Variants in TTC33 observed in about 807,000 individuals in gnomAD.
TTC33 encodes tetratricopeptide repeat domain 33, also known as tetratricopeptide repeat protein 33.
In TTC33, 24 loss-of-function variants were observed where a neutral mutation model predicts 29.4. The ratio of observed to expected loss-of-function variants is 0.82; its 90% CI spans 0.59 to 1.15. The LOEUF is 1.15. Ranked by LOEUF, TTC33 falls within the 50% of genes most tolerant of loss-of-function variation. TTC33 has a pLI of 0.00. For synonymous variants in TTC33, 107 were observed against 100.3 expected (o/e 1.07, Z -0.40); for missense variants, 286 against 310.4 (o/e 0.92, Z 0.59).
intron 1 of TTC33, among the ~76,000 whole-genome samples, chr5:40,750,160 A>C (rs1742868293): frequency 6.6e-6 from 1 of 151,992 alleles, no homozygotes; most frequent in South Asian, 2.1e-4. Flanking sequence ...GATCATCTGA[A>C]CCTTCAGCAA....
intron 2 of TTC33, among the ~76,000 whole-genome samples, chr5:40,743,758 T>C (rs1742742290): frequency 6.6e-6 from 1 of 152,050 alleles, no homozygotes; most frequent in Admixed American, 6.6e-5. Flanking sequence ...TGGGCAACAG[T>C]GCAAGACTCC....
intron 4 of TTC33, among the ~76,000 whole-genome samples, chr5:40,720,659 T>A (rs1742110137): frequency 1.3e-5 from 2 of 152,004 alleles, no homozygotes; most frequent in African/African-American, 4.8e-5. Context: ...ATACACCAAT[T>A]CAGCAACAAT....
chr5:40,716,607 A>G, intron 4 of TTC33, 109 bp from the exon 5 acceptor site: 1 of 713,366 alleles, frequency 1.4e-6, no homozygotes, highest in Non-Finnish European at 2.3e-6. Flanking sequence ...ATCCTAATGC[A>G]TTATCTTAAT....
intron 4 of TTC33, among the ~76,000 whole-genome samples, chr5:40,722,099 G>C (rs1375056163): frequency 6.6e-6 from 1 of 152,164 alleles, no homozygotes; most frequent in Non-Finnish European, 1.5e-5. Context: ...CCAGCTACTC[G>C]GGAGGTGAGG....
chr5:40,733,146 G>A (rs1036335848), intron 2 of TTC33, among the ~76,000 whole-genome samples: 1 of 152,088 alleles, frequency 6.6e-6, no homozygotes, highest in African/African-American at 2.4e-5. Flanking sequence ...CCCAAGACTA[G>A]GGGAATGTGA....
chr5:40,729,352 G>T (rs779852177), intron 3 of TTC33, among the ~76,000 whole-genome samples: 1 of 152,182 alleles, frequency 6.6e-6, no homozygotes, highest in Non-Finnish European at 1.5e-5. Flanking sequence ...AGGCTGAATT[G>T]CAACAATTCC....
Position 40,715,858 on chromosome 5 carries a change from T to G in TTC33, c.*287A>C. Reference sequence around the variant, plus strand: ...ACTATTCAAGAATACATTTTTCAAGTTTTGTCTTTAAAATGTATTCATTTA... The same window carrying G: ...ACTATTCAAGAATACATTTTTCAAGGTTTGTCTTTAAAATGTATTCATTTA... On this transcript the variant is annotated 3_prime_UTR_variant, in exon 5 of 5. Transcript: ENST00000337702. The G allele has an allele frequency of 6.9e-6, 2 of 288,078 alleles. No individual in the cohort carries two copies. Among genetic ancestry groups the G allele is most frequent in the Non-Finnish European group, 1.3e-5 (2 of 156,438 alleles). The allele number at this position is 288,078 out of a possible 1,614,324, so 17.8% of individuals were successfully genotyped here.
chr5:40,740,155 TA>T (rs909486724), intron 2 of TTC33, among the ~76,000 whole-genome samples: 20 of 152,210 alleles, frequency 1.3e-4, no homozygotes, highest in Non-Finnish European at 7.4e-5. Context: ...TTGCTGTTGT[TA>T]TTTAATGTCA....
At position 40,746,794 on chromosome 5, in the gene TTC33, A is replaced by G. The variant is rs1742796514; in HGVS notation, c.221+4T>C. 6.2e-7 allele frequency: 1 copy of G among 1,606,958 alleles called. No homozygotes were observed. Among genetic ancestry groups the G allele is most frequent in the African/African-American group, 1.3e-5 (1 of 74,466 alleles). ...TCCATAAAAAAAAAACTTTAAATAC[A>G]TACCTTTTATTTTCAGCCAAACTGG... is the stretch of plus-strand genomic sequence containing the variant. On this transcript the variant is annotated splice_donor_region_variant and intron_variant, in intron 2 of 4. Coordinates refer to ENST00000337702, the MANE Select transcript of TTC33 (RefSeq NM_012382.3).
intron 1 of TTC33, among the ~76,000 whole-genome samples, chr5:40,749,044 T>G (rs1470452190): frequency 6.6e-6 from 1 of 152,126 alleles, no homozygotes; most frequent in Non-Finnish European, 1.5e-5. Flanking sequence ...GAGAATTGCT[T>G]GAACCCGGGA....
Position 40,746,902 on chromosome 5 carries a change from GTT to G in TTC33, c.115_116del (p.Asn39LeufsTer6), listed in dbSNP as rs748066833. On this transcript the variant is annotated frameshift_variant, in exon 2 of 5. Coordinates refer to ENST00000337702, the MANE Select transcript of TTC33 (RefSeq NM_012382.3). LOFTEE classifies it high-confidence loss of function. ...TCCTACGTTTAATGGCATGAAGCCA[GTT>G]CCCTTCATCGTTGTCAACTACATCC... ...EKDVVDNDEG[N>X]WLHAIKRRKE... 6.8e-6 allele frequency: 11 copies of G among 1,614,110 alleles called. No individual in the cohort carries two copies. The highest frequency in any genetic ancestry group is 8.5e-6 in the Non-Finnish European group (10 of 1,180,000).
In TTC33 at chr5:40,715,425, GATTA is replaced by G. The variant is rs1351253933; in HGVS notation, c.*716_*719del. Reference sequence around the variant, plus strand: ...TTAAAAATGACTCATTTGTGGTAAGGATTACTTACTGTAACAATTAAAAAATAAA... The same window carrying G: ...TTAAAAATGACTCATTTGTGGTAAGGCTTACTGTAACAATTAAAAAATAAA... On this transcript the variant is annotated 3_prime_UTR_variant, in exon 5 of 5. Transcript: ENST00000337702. 3.3e-5 allele frequency: 5 copies of G among 152,160 alleles called. No individual in the cohort carries two copies. The highest frequency in any genetic ancestry group is 7.4e-5 in the Non-Finnish European group (5 of 67,984). 9.4% of individuals were successfully genotyped at this position (152,160 alleles called of 1,614,324 possible). A position where few individuals can be genotyped will look rare whatever the true frequency, so the allele number is the denominator to read the frequency against.
At chr5:40,727,381 T>C (rs1200548389) in intron 4 of TTC33, among the ~76,000 whole-genome samples, 2 of 152,164 alleles carry the variant, frequency 1.3e-5, no homozygotes, top group Non-Finnish European at 2.9e-5. Context: ...AGCTATCAGG[T>C]GTATATAGCC....
chr5:40,715,879 A>G lies in TTC33; in HGVS notation c.*266T>C, dbSNP rs1741986260. The G allele has an allele frequency of 2.9e-6, 1 of 343,658 alleles. No individual in the cohort carries two copies. Among genetic ancestry groups the G allele is most frequent in the African/African-American group, 2.1e-5 (1 of 47,226 alleles). The allele number at this position is 343,658 out of a possible 1,614,324, so 21.3% of individuals were successfully genotyped here. ...CAAGTTTTGTCTTTAAAATGTATTC[A>G]TTTACATATTCAGATTAAACTAAGT... On this transcript the variant is annotated 3_prime_UTR_variant, in exon 5 of 5. Coordinates refer to ENST00000337702, the MANE Select transcript of TTC33 (RefSeq NM_012382.3).
intron 3 of TTC33, among the ~76,000 whole-genome samples, chr5:40,729,428 G>A (rs562228622): frequency 6.6e-6 from 1 of 152,318 alleles, no homozygotes; most frequent in East Asian, 1.9e-4. Context: ...CTATTCAAGT[G>A]CTCAAAGGTT....
chr5:40,719,711 A>G (rs1240123592), intron 4 of TTC33, among the ~76,000 whole-genome samples: 1 of 152,170 alleles, frequency 6.6e-6, no homozygotes, highest in African/African-American at 2.4e-5. Flanking sequence ...CCAACACTTC[A>G]TATTGTCCAT....
intron 4 of TTC33, among the ~76,000 whole-genome samples, chr5:40,718,084 T>A (rs1274193856): frequency 6.7e-6 from 1 of 149,928 alleles, no homozygotes; most frequent in Admixed American, 6.7e-5. Context: ...AGATTGCACA[T>A]AATCTACAGA....
chr5:40,719,603 AT>A (rs2111867741), intron 4 of TTC33, among the ~76,000 whole-genome samples: 1 of 152,198 alleles, frequency 6.6e-6, no homozygotes, highest in South Asian at 2.1e-4. Context: ...TATATGTTTC[AT>A]TTTTTTGAGG....
chr5:40,734,637 G>T (rs978303501), intron 2 of TTC33, among the ~76,000 whole-genome samples: 6 of 152,148 alleles, frequency 3.9e-5, no homozygotes, highest in Non-Finnish European at 5.9e-5. Context: ...CTCCCAATTA[G>T]ACTTCTAATT....
Sources: allele counts gnomAD v4.1 joint callset (sites outside exome capture counted in the v4.1 genomes callset), GRCh38; gene constraint gnomAD v4.1.1; transcripts MANE v1.5; gene names NCBI Gene and HGNC (gene_info 2026-07-23, HGNC 2026-07-21).